TENM1: variants seen among roughly 807,000 people sequenced by gnomAD.
TENM1 encodes the protein teneurin-1.
TENM1 carries 35 observed loss-of-function variants against 174.8 expected under a neutral mutation model. The observed-to-expected ratio is 0.20, with a 90% CI of 0.15 to 0.27. The LOEUF is 0.27. TENM1 is among the 10% of genes least tolerant of loss of function. The pLI, the probability that TENM1 is intolerant of heterozygous loss-of-function variation, is 1.00. For missense variants in TENM1, 1,633 were observed against 2,130.1 expected (o/e 0.77, Z 4.59); for synonymous variants, 781 against 798.7 (o/e 0.98, Z 0.37).
the TENM1 span, among the ~76,000 whole-genome samples, chrX:125,104,004 A>G: frequency 8.9e-6 from 1 of 112,186 alleles, no homozygotes. Flanking sequence ...AAAAAAATAA[A>G]AGACTTAACT....
chrX:124,670,314 G>A (rs2051889068), intron 6 of TENM1, among the ~76,000 whole-genome samples: 1 of 111,677 alleles, frequency 9.0e-6, no homozygotes, highest in African/African-American at 3.3e-5. Flanking sequence ...ACCCTAGGCA[G>A]ATAATACCAA....
the TENM1 span, among the ~76,000 whole-genome samples, chrX:125,112,183 G>C: frequency 9.8e-6 from 1 of 101,818 alleles, no homozygotes; most frequent in Non-Finnish European, 2.0e-5. Flanking sequence ...AGTGAGGGGA[G>C]AGGTGTTTGG....
the TENM1 span, among the ~76,000 whole-genome samples, chrX:125,157,364 T>C: frequency 8.9e-6 from 1 of 112,132 alleles, no homozygotes; most frequent in African/African-American, 3.2e-5. Flanking sequence ...ATCACCCCAA[T>C]ATGCAATATA....
At chrX:124,620,978 TAGC>T (rs1409612788) in intron 11 of TENM1, among the ~76,000 whole-genome samples, 2 of 111,784 alleles carry the variant, frequency 1.8e-5, no homozygotes, top group African/African-American at 6.5e-5. Context: ...AGGAGTTACT[TAGC>T]GGCCCAAAGA....
At chrX:124,450,859 C>T (rs2061027643) in intron 23 of TENM1, among the ~76,000 whole-genome samples, 2 of 112,107 alleles carry the variant, frequency 1.8e-5, no homozygotes, top group Admixed American at 1.9e-4. Context: ...AGGAAATTTG[C>T]TGGCATCTTT....
the TENM1 span, among the ~76,000 whole-genome samples, chrX:125,081,457 T>TTA: frequency 9.0e-6 from 1 of 110,913 alleles, no homozygotes; most frequent in South Asian, 3.8e-4. Flanking sequence ...TTCCCAACAC[T>TTA]TACACCTTCA....
intron 6 of TENM1, among the ~76,000 whole-genome samples, 166 bp downstream of exon 9, chrX:124,671,517 G>A: frequency 8.9e-6 from 1 of 111,794 alleles, no homozygotes; most frequent in Non-Finnish European, 1.9e-5. Context: ...TGGAAACAAG[G>A]AAAATTTGCT....
At chrX:125,171,706 T>G in the TENM1 span, among the ~76,000 whole-genome samples, 1 of 111,617 alleles carries the variant, frequency 9.0e-6, no homozygotes, top group Admixed American at 9.5e-5. Context: ...CACCAGACAC[T>G]GAATGTGCCA....
chrX:125,095,764 G>A, the TENM1 span, among the ~76,000 whole-genome samples: 1 of 111,456 alleles, frequency 9.0e-6, no homozygotes. Flanking sequence ...AAAATATGAG[G>A]CAGGATTTTG....
At chrX:124,940,861 C>T (rs970612763) in intron 1 of TENM1, among the ~76,000 whole-genome samples, 5 of 111,462 alleles carry the variant, frequency 4.5e-5, no homozygotes, top group Non-Finnish European at 9.4e-5. Context: ...CAGATACTAC[C>T]TCTCTTTTCT....
intron 21 of TENM1, among the ~76,000 whole-genome samples, chrX:124,483,869 G>A (rs1417857037): frequency 9.0e-6 from 1 of 111,434 alleles, no homozygotes; most frequent in African/African-American, 3.3e-5. Context: ...TAAAGAAGAG[G>A]GACTTGTGTC....
intron 11 of TENM1, among the ~76,000 whole-genome samples, chrX:124,606,193 T>TGTGAG (rs924704175): frequency 1.0e-3 from 114 of 111,034 alleles, no homozygotes; most frequent in African/African-American, 3.4e-3. Context: ...TGAGTCAAAA[T>TGTGAG]GTGAGGGTGA....
chrX:124,980,010 G>GTT, the TENM1 span, among the ~76,000 whole-genome samples: 2 of 111,890 alleles, frequency 1.8e-5, no homozygotes, highest in Admixed American at 9.5e-5. Flanking sequence ...GTTAAAGAAA[G>GTT]TTTTTATACC....
the TENM1 span, among the ~76,000 whole-genome samples, chrX:125,096,027 G>T: frequency 9.0e-6 from 1 of 111,642 alleles, no homozygotes; most frequent in Non-Finnish European, 1.9e-5. Flanking sequence ...ATGGGTGATG[G>T]TTTATAGAGT....
At chrX:124,836,948 C>A (rs1422107928) in intron 3 of TENM1, among the ~76,000 whole-genome samples, 2 of 111,771 alleles carry the variant, frequency 1.8e-5, no homozygotes, top group African/African-American at 6.5e-5. Flanking sequence ...CTACCAATGT[C>A]AGTTTGTTAA....
At chrX:124,763,208 A>G (rs1036081060) in intron 3 of TENM1, among the ~76,000 whole-genome samples, 8 of 111,326 alleles carry the variant, frequency 7.2e-5, no homozygotes, top group African/African-American at 2.6e-4. Flanking sequence ...GAAAAGTTGT[A>G]TGATACACAG....
the TENM1 span, among the ~76,000 whole-genome samples, chrX:125,050,128 G>A: frequency 1.7e-4 from 18 of 108,631 alleles, no homozygotes; most frequent in African/African-American, 6.1e-4. Context: ...TCTAGAACCC[G>A]ACTGCTGGAG....
At chrX:124,903,252 G>A (rs2057692566) in intron 1 of TENM1, among the ~76,000 whole-genome samples, 1 of 111,681 alleles carries the variant, frequency 9.0e-6, no homozygotes, top group Non-Finnish European at 1.9e-5. Context: ...TCTGGGCAGA[G>A]TTAAAAGCCT....
the TENM1 span, among the ~76,000 whole-genome samples, chrX:125,024,775 C>T: frequency 0.054 from 6,050 of 111,752 alleles, 418 homozygotes; most frequent in African/African-American, 0.19. Context: ...ATAAGATATG[C>T]TTAGAATAAT....
Sources: gnomAD v4.1 joint callset for allele counts (sites outside exome capture counted in the v4.1 genomes callset) on GRCh38, gnomAD v4.1.1 for gene constraint, MANE v1.5 for transcripts, NCBI Gene and HGNC (gene_info 2026-07-23, HGNC 2026-07-21) for gene names.